DENND1C: variants seen among roughly 807,000 people sequenced by gnomAD.
The protein encoded by DENND1C is DENN domain-containing protein 1C.
In DENND1C, 64 loss-of-function variants were observed where a neutral mutation model predicts 87.9. That is an observed-to-expected ratio of 0.73 (90% CI 0.60 to 0.90). The LOEUF (loss-of-function observed/expected upper bound fraction) is 0.90, where lower values mean the gene tolerates loss of function less well. Among genes scored for constraint, DENND1C ranks in the 40% least tolerant of loss-of-function variants. The probability of loss-of-function intolerance (pLI) is 0.00; values close to 1 mark genes in which losing one functional copy is unlikely to be tolerated. For missense variants in DENND1C, 980 were observed against 1,037.0 expected (o/e 0.95, Z 0.76); for synonymous variants, 384 against 424.4 (o/e 0.90, Z 1.17).
intron 18 of DENND1C, chr19:6,470,076 G>T: frequency 1.9e-6 from 1 of 537,348 alleles, no homozygotes; most frequent in Non-Finnish European, 3.3e-6. Flanking sequence ...CGGGGCGGAG[G>T]GGGGCGGGTA....
intron 1 of DENND1C, 120 bp downstream of exon 1, chr19:6,481,558 CA>C: frequency 6.9e-7 from 1 of 1,443,012 alleles, no homozygotes; most frequent in Non-Finnish European, 9.5e-7. Context: ...TGATTCCAGC[CA>C]CCTGCCCTGG....
intron 4 of DENND1C, among the ~76,000 whole-genome samples, chr19:6,479,430 G>T (rs532015994): frequency 1.3e-5 from 2 of 151,550 alleles, no homozygotes; most frequent in South Asian, 4.2e-4. Flanking sequence ...CTGAGTCCCT[G>T]GGTCCCTGGG....
intron 6 of DENND1C, 83 bp from the exon 7 acceptor site, chr19:6,477,541 G>C (rs1179477215): frequency 1.5e-6 from 2 of 1,311,910 alleles, no homozygotes; most frequent in East Asian, 4.9e-5. Flanking sequence ...AGGTTGAGTG[G>C]TCTGGGAGGA....
chr19:6,471,144 T>C, intron 17 of DENND1C, 121 bp downstream of exon 17: 1 of 1,378,954 alleles, frequency 7.3e-7, no homozygotes, highest in Admixed American at 2.1e-5. Flanking sequence ...TGGGGTTTCG[T>C]CACGTTGCCC....
chr19:6,469,040 T>TG, intron 19 of DENND1C, 87 bp from the exon 20 acceptor site: 2 of 818,954 alleles, frequency 2.4e-6, no homozygotes, highest in Non-Finnish European at 3.3e-6. Context: ...TCTTTTTTTT[T>TG]TTTTGTTTGA....
intron 1 of DENND1C, among the ~76,000 whole-genome samples, 191 bp downstream of exon 1, chr19:6,481,488 G>GA (rs1680653253): frequency 7.5e-6 from 1 of 133,170 alleles, no homozygotes; most frequent in Admixed American, 7.6e-5. Flanking sequence ...AGAGAGAGAG[G>GA]AGGGGACCGA....
At chr19:6,470,095 A>G (rs1035881441) in intron 18 of DENND1C, 200 bp downstream of exon 18, 1 of 580,290 alleles carries the variant, frequency 1.7e-6, no homozygotes, top group Non-Finnish European at 3.0e-6. Context: ...TAGGATTCCA[A>G]CAAAAAATGA....
rs372707256 is a variant in DENND1C at position 6,478,952 on chromosome 19, C to T, written c.281G>A (p.Cys94Tyr). The T allele has an allele frequency of 7.4e-6, 12 of 1,613,844 alleles. No homozygotes were observed. Among genetic ancestry groups the T allele is most frequent in the Admixed American group, 1.7e-5 (1 of 59,996 alleles). The change falls in exon 5 of 23, where the codon TGT becomes TAT. Residue 94 changes from cysteine to tyrosine, a missense_variant. By Grantham distance (194) the Cys-to-Tyr change is radical (BLOSUM62 -2). Coordinates refer to ENST00000381480, the MANE Select transcript of DENND1C (RefSeq NM_024898.4). ...FCRLRAGTQS[C>Y]LCILSHLPWF... ...TATCCCGCACCTGAGGATGCAGAGACAGCTCTGGGTACCCGCCCGCAGGCG... is the reference window on the plus strand; with the variant it reads ...TATCCCGCACCTGAGGATGCAGAGATAGCTCTGGGTACCCGCCCGCAGGCG...
chr19:6,476,935 A>T lies in DENND1C; in HGVS notation c.600T>A (p.Thr200=), dbSNP rs2092864681. 6.2e-7 allele frequency: 1 copy of T among 1,613,438 alleles called. No homozygotes were observed. Among genetic ancestry groups the T allele is most frequent in the Non-Finnish European group, 8.5e-7 (1 of 1,179,778 alleles). Residue 200 remains threonine (T), a synonymous_variant, in exon 10 of 23, where the codon ACT becomes ACA. Coordinates refer to ENST00000381480, the MANE Select transcript of DENND1C (RefSeq NM_024898.4). ...CGAACAGCCCCACGATGTTCTCGTC[A>T]GTCACGGCCACCACCAGCTCCGTTA... ...RNLTELVVAV[T]DENIVGLFAA... is the part of the protein sequence containing the mutation.
At chr19:6,476,025 C>T (rs1457111003) in intron 10 of DENND1C, 88 bp from the exon 11 acceptor site, 24 of 1,176,684 alleles carry the variant, frequency 2.0e-5, no homozygotes, top group Admixed American at 8.5e-5. Context: ...TCCCCAGTCT[C>T]CTGTTCCCCC....
At chr19:6,473,449 A>G (rs992361291) in intron 14 of DENND1C, among the ~76,000 whole-genome samples, 1 of 113,004 alleles carries the variant, frequency 8.8e-6, no homozygotes, top group African/African-American at 3.1e-5. Flanking sequence ...CACCGCGCCC[A>G]GCCCTGGTTT....
At chr19:6,475,151 C>T (rs1042190856) in intron 14 of DENND1C, 123 bp downstream of exon 14, 10 of 1,476,550 alleles carry the variant, frequency 6.8e-6, no homozygotes, top group South Asian at 1.2e-5. Context: ...CCCATCTCGG[C>T]ATCCCAAAGT....
chr19:6,479,466 C>T (rs1568401997), intron 4 of DENND1C, among the ~76,000 whole-genome samples: 3 of 151,668 alleles, frequency 2.0e-5, no homozygotes, highest in African/African-American at 7.3e-5. Flanking sequence ...GTCCCTAGAT[C>T]TCTGGGTCCC....
intron 17 of DENND1C, among the ~76,000 whole-genome samples, chr19:6,470,822 A>G (rs1374304058): frequency 6.6e-6 from 1 of 151,380 alleles, no homozygotes; most frequent in African/African-American, 2.4e-5. Context: ...GAGTTTCACC[A>G]TGTTGGCCAG....
rs147115749 is a variant in DENND1C, at chr19:6,467,633, G to A, written c.2277C>T (p.Arg759=). Residue 759 remains arginine (R), a synonymous_variant, in exon 23 of 23, where the codon CGC becomes CGT. Transcript: ENST00000381480. The part of the protein sequence containing the change: ...ARPPKALLAE[R]AHLQPREEPG... ...GTTCCTCCCGTGGCTGGAGGTGAGC[G>A]CGCTCTGCCAGCAGGGCTTTGGGAG... 1.3e-4 allele frequency: 206 copies of A among 1,551,656 alleles called. No individual in the cohort carries two copies. In the East Asian group the frequency reaches 4.1e-3, roughly 31 times the overall value.
chr19:6,471,939 G>A (rs1006123980), intron 15 of DENND1C, among the ~76,000 whole-genome samples: 1 of 152,126 alleles, frequency 6.6e-6, no homozygotes, highest in African/African-American at 2.4e-5. Context: ...CACTGTCCCC[G>A]GCCCGGAGCC....
rs2092819046 is a variant in DENND1C, at chr19:6,470,081, C to CGGG, written c.1362+211_1362+213dup. ...GGGCCGTGGGCGGGGCGGAGGGGGGCGGGTAGGATTCCAACAAAAAATGAG... is the reference window on the plus strand; with the variant it reads ...GGGCCGTGGGCGGGGCGGAGGGGGGCGGGGGGTAGGATTCCAACAAAAAATGAG... On this transcript the variant is annotated intron_variant, in intron 18 of 22. Transcript: ENST00000381480. The CGGG allele has an allele frequency of 6.5e-6, 3 of 461,524 alleles. No homozygotes were observed. The South Asian group carries it at 1.0e-4, about 16-fold the overall frequency. 28.6% of individuals were successfully genotyped at this position (461,524 alleles called of 1,614,324 possible). A position where few individuals can be genotyped will look rare whatever the true frequency, so the allele number is the denominator to read the frequency against.
chr19:6,471,501 G>A lies in DENND1C; in HGVS notation c.1159-5C>T, dbSNP rs1256437567. ...CTCCAGCCGGGCTTCGATGAACTGGGGTGGGGGACAGTAAATCAGAAACAG... is the reference window on the plus strand; with the variant it reads ...CTCCAGCCGGGCTTCGATGAACTGGAGTGGGGGACAGTAAATCAGAAACAG... On this transcript the variant is annotated splice_region_variant and splice_polypyrimidine_tract_variant and intron_variant, in intron 15 of 22. Coordinates refer to ENST00000381480, the MANE Select transcript of DENND1C (RefSeq NM_024898.4). 1 of 1,545,466 alleles carries A rather than the reference G, an allele frequency of 6.5e-7. No homozygotes were observed. Among genetic ancestry groups the A allele is most frequent in the Non-Finnish European group, 8.7e-7 (1 of 1,144,166 alleles).
chr19:6,479,518 A>C (rs2092885821), intron 4 of DENND1C, 151 bp downstream of exon 4: 3 of 915,338 alleles, frequency 3.3e-6, no homozygotes, highest in South Asian at 3.2e-5. Context: ...ATAGGTCCCT[A>C]GTTCTCAGGG....
Sources: allele counts gnomAD v4.1 joint callset (sites outside exome capture counted in the v4.1 genomes callset), GRCh38; gene constraint gnomAD v4.1.1; transcripts MANE v1.5; gene names NCBI Gene and HGNC (gene_info 2026-07-23, HGNC 2026-07-21).